The following TCF3 variants were observed in gnomAD, a reference collection of about 807,000 sequenced individuals.
TCF3 encodes the protein transcription factor 3.
In TCF3, 54 loss-of-function variants were observed where a neutral mutation model predicts 72.3. The ratio of observed to expected loss-of-function variants is 0.75; its 90% CI spans 0.60 to 0.94. The LOEUF (loss-of-function observed/expected upper bound fraction) is 0.94. TCF3 is among the 40% of genes least tolerant of loss of function. The probability of loss-of-function intolerance (pLI) is 0.00; values close to 1 mark genes in which losing one functional copy is unlikely to be tolerated. For synonymous variants in TCF3, 525 were observed against 412.6 expected (o/e 1.27, Z -3.30); for missense variants, 1,078 against 934.4 (o/e 1.15, Z -2.00).
Position 1,615,322 on chromosome 19 carries a change from A to G in TCF3, c.1785T>C (p.Ala595=), listed in dbSNP as rs769814215. The G allele has an allele frequency of 6.2e-7, 1 of 1,606,342 alleles. No individual in the cohort carries two copies. Among genetic ancestry groups the G allele is most frequent in the Non-Finnish European group, 8.5e-7 (1 of 1,173,688 alleles). Residue 595 remains alanine, a synonymous_variant, in exon 18 of 19, where the codon GCT becomes GCC. Coordinates refer to ENST00000262965, the MANE Select transcript of TCF3 (RefSeq NM_003200.5). The surrounding 1 kb of genome is among the most constrained non-coding windows in gnomAD (Gnocchi z 7.3). ...PQTKLLILHQ[A]VSVILNLEQQ... Reference sequence around the variant, plus strand: ...GCTCCAAGTTCAGGATGACCGAGACAGCCTGGTGCAGGATGAGCAGTTTGG... The same window carrying G: ...GCTCCAAGTTCAGGATGACCGAGACGGCCTGGTGCAGGATGAGCAGTTTGG...
At chr19:1,652,034 G>C (rs1285395684) in intron 1 of TCF3, among the ~76,000 whole-genome samples, 1 of 150,332 alleles carries the variant, frequency 6.7e-6, no homozygotes, top group Non-Finnish European at 1.5e-5. Flanking sequence ...CCCCCGCCCG[G>C]GGCTGCTTAA....
chr19:1,619,748 G>A (rs930532811), intron 14 of TCF3, 32 bp downstream of exon 14: 7 of 1,314,674 alleles, frequency 5.3e-6, no homozygotes, highest in Non-Finnish European at 7.3e-6. Context: ...TTCTGTCGGG[G>A]AAGGGTGGGG....
intron 4 of TCF3, 60 bp from the exon 5 acceptor site, chr19:1,632,176 C>T (rs1279961823): frequency 7.6e-6 from 12 of 1,578,512 alleles, no homozygotes; most frequent in African/African-American, 1.4e-5. Flanking sequence ...CCCTCCACCC[C>T]GCATTACAGC....
intron 13 of TCF3, among the ~76,000 whole-genome samples, chr19:1,620,587 T>C (rs1385865532): frequency 6.6e-6 from 1 of 152,182 alleles, no homozygotes; most frequent in Non-Finnish European, 1.5e-5. Flanking sequence ...TCACGCAGTG[T>C]GAACTGCCAG....
chr19:1,619,608 T>C, intron 14 of TCF3, 134 bp from the exon 15 acceptor site: 2 of 1,359,254 alleles, frequency 1.5e-6, no homozygotes, highest in Non-Finnish European at 2.0e-6. Context: ...ATGCCAGGCA[T>C]CTGGCGCCCG....
chr19:1,612,668 C>T (rs1056171015), intron 18 of TCF3, among the ~76,000 whole-genome samples: 1 of 147,880 alleles, frequency 6.8e-6, no homozygotes, highest in African/African-American at 2.5e-5. Flanking sequence ...GGCAGCAGTG[C>T]AGGTACACGG....
chr19:1,651,723 G>A (rs1038102909), intron 1 of TCF3, among the ~76,000 whole-genome samples: 1 of 151,740 alleles, frequency 6.6e-6, no homozygotes. Context: ...CAGGCGGTGC[G>A]GCCCGGGAGC....
intron 3 of TCF3, among the ~76,000 whole-genome samples, chr19:1,635,275 A>C (rs2064240760): frequency 1.3e-5 from 2 of 152,228 alleles, no homozygotes; most frequent in Non-Finnish European, 2.9e-5. Context: ...AAAGAACAGC[A>C]GCTTGCCCCA....
In TCF3 at chr19:1,619,224, C is replaced by G; in HGVS notation, c.1337G>C (p.Ser446Thr). The G allele has an allele frequency of 3.1e-6, 5 of 1,595,328 alleles. No individual in the cohort carries two copies. The highest frequency in any genetic ancestry group is 4.2e-6 in the Non-Finnish European group (5 of 1,177,504). The change falls in exon 16 of 19, where the codon AGC (serine) becomes ACC (threonine). Residue 446 changes from serine to threonine, a missense_variant. Transcript: ENST00000262965. The stretch of plus-strand genomic sequence containing the variant: ...GCCTGCGAGGCCGTCCTCGGGGTGG[C>G]TGCCTCCAACCTGCAGGCGTGGGGA... ...GGRHAGLVGG[S>T]HPEDGLAGST...
rs780925230 is a variant in TCF3 at position 1,615,470 on chromosome 19, C to T, written c.1637G>A (p.Arg546Gln). The T allele has an allele frequency of 9.9e-6, 16 of 1,612,072 alleles. No homozygotes were observed. The highest frequency in any genetic ancestry group is 5.0e-5 in the Admixed American group (3 of 59,996). Residue 546 changes from arginine (R) to glutamine (Q), a missense_variant, in exon 18 of 19, where the codon CGG (arginine) becomes CAG (glutamine). Transcript: ENST00000262965. This position sits in a 1 kb window ranked among gnomAD's most constrained non-coding sequence, Gnocchi z 7.3. ...DLLPPEQKAE[R>Q]EKERRVANNA... ...ATTGGCCACCCGGCGCTCCTTCTCC[C>T]GCTCGGCCTTCTGCTCTGGGGGGAG... is the stretch of plus-strand genomic sequence containing the variant.
In TCF3 at chr19:1,622,540, A is replaced by G. The variant is rs914505559; in HGVS notation, c.550-125T>C. 6.2e-4 allele frequency: 334 copies of G among 537,120 alleles called. 6 individuals carry two copies. In the South Asian group the frequency reaches 7.0e-3, roughly 11 times the overall value. The allele number at this position is 537,120 out of a possible 1,614,324, so 33.3% of individuals were successfully genotyped here. A position where few individuals can be genotyped will look rare whatever the true frequency, so the allele number is the denominator to read the frequency against. On this transcript the variant is annotated intron_variant, in intron 8 of 18. Transcript: ENST00000262965. ...ACCACCCCGTTTCCCTTCCCTGTAA[A>G]GCCACCCCCCTTTAGGTAAATCCCA...
At chr19:1,636,635 G>T (rs1011388669) in intron 3 of TCF3, among the ~76,000 whole-genome samples, 1 of 152,134 alleles carries the variant, frequency 6.6e-6, no homozygotes, top group Non-Finnish European at 1.5e-5. Context: ...GAAAGACCAG[G>T]ATGCCCTCGG....
rs753407067 is a variant in TCF3, at chr19:1,621,979, T to C, written c.823-9A>G. ...CCATGCAGCTGGTAGCCCTGGGGGG[T>C]CAGGCAGGAGGAGGGTGGGTTAGAT... On this transcript the variant is annotated splice_polypyrimidine_tract_variant and intron_variant, in intron 10 of 18. Transcript: ENST00000262965. 1.2e-6 allele frequency: 2 copies of C among 1,602,764 alleles called. No individual in the cohort carries two copies. Among genetic ancestry groups the C allele is most frequent in the East Asian group, 2.2e-5 (1 of 44,468 alleles).
intron 18 of TCF3, 33 bp from the exon 19 acceptor site, chr19:1,611,882 G>C: frequency 2.1e-6 from 3 of 1,416,416 alleles, no homozygotes; most frequent in Non-Finnish European, 2.8e-6. Context: ...TGTGGGAGAC[G>C]GTCCCAGGGA....
rs138376397 is a variant in TCF3, at chr19:1,619,024, G to T, written c.1450+87C>A. The T allele has an allele frequency of 2.8e-4, 445 of 1,580,744 alleles. 3 individuals carry two copies. The African/African-American group carries it at 4.7e-3, about 17-fold the overall frequency. On this transcript the variant is annotated intron_variant, in intron 16 of 18. Transcript: ENST00000262965. Reference sequence around the variant, plus strand: ...TGCCCCCACGGTGACACCTGCCCTGGGCTCCCACCCTGACCCCCACCACTA... The same window carrying T: ...TGCCCCCACGGTGACACCTGCCCTGTGCTCCCACCCTGACCCCCACCACTA...
chr19:1,613,108 G>A (rs1472523542), intron 18 of TCF3, among the ~76,000 whole-genome samples: 3 of 152,090 alleles, frequency 2.0e-5, no homozygotes, highest in African/African-American at 7.2e-5. Flanking sequence ...AGCAGTGGGG[G>A]TACACGGCTG....
chr19:1,623,582 C>G (rs1292708764), intron 8 of TCF3, among the ~76,000 whole-genome samples: 2 of 152,088 alleles, frequency 1.3e-5, no homozygotes, highest in African/African-American at 4.8e-5. Flanking sequence ...TGGGGTTTCA[C>G]CATGTTGACT....
intron 3 of TCF3, among the ~76,000 whole-genome samples, chr19:1,633,734 T>C (rs909644711): frequency 1.2e-4 from 19 of 152,132 alleles, no homozygotes; most frequent in African/African-American, 4.6e-4. Flanking sequence ...GGGGCTCCTG[T>C]GGTCTCCAGG....
intron 3 of TCF3, among the ~76,000 whole-genome samples, chr19:1,636,954 A>T (rs770964628): frequency 6.6e-6 from 1 of 152,120 alleles, no homozygotes; most frequent in Non-Finnish European, 1.5e-5. Context: ...CCACCCTAAG[A>T]GTGGGGGTCC....
Sources: allele counts gnomAD v4.1 joint callset (sites outside exome capture counted in the v4.1 genomes callset), GRCh38; gene constraint gnomAD v4.1.1; non-coding constraint Gnocchi (gnomAD v3.1); transcripts MANE v1.5; gene names NCBI Gene and HGNC (gene_info 2026-07-23, HGNC 2026-07-21).